Variants in COG5 observed in about 807,000 individuals in gnomAD.
COG5 encodes component of oligomeric golgi complex 5, also known as conserved oligomeric Golgi complex subunit 5.
In COG5, 86 loss-of-function variants were observed where a neutral mutation model predicts 110.4. The ratio of observed to expected loss-of-function variants is 0.78; its 90% CI spans 0.65 to 0.93. COG5 has a LOEUF of 0.93. COG5 is among the 40% of genes least tolerant of loss of function. The probability of loss-of-function intolerance (pLI) is 0.00; values close to 1 mark genes in which losing one functional copy is unlikely to be tolerated. For missense variants in COG5, 1,077 were observed against 987.0 expected (o/e 1.09, Z -1.22); for synonymous variants, 360 against 334.6 (o/e 1.08, Z -0.83).
At chr7:107,461,663 G>A (rs187511610) in intron 6 of COG5, among the ~76,000 whole-genome samples, 240 of 152,182 alleles carry the variant, frequency 1.6e-3, no homozygotes, top group Non-Finnish European at 2.6e-3. Context: ...GAAGGAAATC[G>A]TAAGGAATCA....
At chr7:107,252,666 A>C in intron 16 of COG5, among the ~76,000 whole-genome samples, 1 of 152,186 alleles carries the variant, frequency 6.6e-6, no homozygotes, top group Non-Finnish European at 1.5e-5. Flanking sequence ...AATTAAGTAA[A>C]TCAGTATCCA....
intron 2 of COG5, among the ~76,000 whole-genome samples, chr7:107,556,165 G>A (rs1034042917): frequency 6.6e-6 from 1 of 152,110 alleles, no homozygotes; most frequent in Non-Finnish European, 1.5e-5. Flanking sequence ...TTTTAGCACT[G>A]GCATGGAAGG....
intron 6 of COG5, among the ~76,000 whole-genome samples, chr7:107,524,671 C>T (rs916685705): frequency 6.6e-6 from 1 of 152,276 alleles, no homozygotes; most frequent in Admixed American, 6.5e-5. Flanking sequence ...GACTGAACTA[C>T]AGTGGTGAAT....
At chr7:107,270,882 C>CT (rs56971368) in intron 14 of COG5, among the ~76,000 whole-genome samples, 920 of 68,732 alleles carry the variant, frequency 0.013, 224 homozygotes, top group African/African-American at 0.044. Context: ...CTAACTAGAA[C>CT]TTTTTTTTTT....
At chr7:107,462,966 A>G (rs962074984) in intron 6 of COG5, among the ~76,000 whole-genome samples, 4 of 152,216 alleles carry the variant, frequency 2.6e-5, no homozygotes, top group Non-Finnish European at 4.4e-5. Context: ...TAAAAATATA[A>G]AAAGGTTAAT....
intron 6 of COG5, among the ~76,000 whole-genome samples, chr7:107,438,652 A>T (rs1048504171): frequency 6.6e-6 from 1 of 152,194 alleles, no homozygotes; most frequent in African/African-American, 2.4e-5. Flanking sequence ...CATGAGAAAG[A>T]TGCATCTGTT....
Position 107,372,621 on chromosome 7 carries a change from G to A in COG5, c.809C>T (p.Thr270Ile), listed in dbSNP as rs968663449. The A allele has an allele frequency of 5.0e-6, 8 of 1,613,574 alleles. No individual in the cohort carries two copies. The highest frequency in any genetic ancestry group is 1.1e-5 in the South Asian group (1 of 91,056). Reference sequence around the variant, plus strand: ...TCTCACAGCTGACTGGGAAGGCTGAGTCAAAACTTTTATGTCTAATGCACT... The same window carrying A: ...TCTCACAGCTGACTGGGAAGGCTGAATCAAAACTTTTATGTCTAATGCACT... ...INSALDIKVL[T>I]QPSQSAVRGG... Residue 270 changes from threonine (T) to isoleucine (I), a missense_variant, in exon 8 of 22, where the codon ACT (threonine) becomes ATT (isoleucine). Transcript: ENST00000297135.
At chr7:107,227,558 T>C (rs9641378) in intron 19 of COG5, among the ~76,000 whole-genome samples, 26,323 of 151,702 alleles carry the variant, frequency 0.17, 2,513 homozygotes, top group Non-Finnish European at 0.21. Flanking sequence ...GCAGAAAATT[T>C]CCATCTTAAA....
chr7:107,269,632 T>G (rs1485863207), intron 14 of COG5, among the ~76,000 whole-genome samples: 2 of 152,356 alleles, frequency 1.3e-5, no homozygotes, highest in East Asian at 1.9e-4. Flanking sequence ...CCATCTTACT[T>G]CTATGTTCCA....
At chr7:107,444,926 G>A (rs1447124828) in intron 6 of COG5, among the ~76,000 whole-genome samples, 3 of 152,128 alleles carry the variant, frequency 2.0e-5, no homozygotes, top group Admixed American at 6.5e-5. Context: ...AGTGGCTCAT[G>A]CCTGTAATCC....
intron 11 of COG5, among the ~76,000 whole-genome samples, chr7:107,311,377 T>A (rs1808245498): frequency 5.6e-5 from 2 of 35,586 alleles, no homozygotes; most frequent in African/African-American, 8.5e-4. Flanking sequence ...TACATTTTTT[T>A]TTTTTTTTTT....
intron 1 of COG5, chr7:107,563,554 G>C (rs1031310015): frequency 1.2e-5 from 6 of 501,312 alleles, no homozygotes; most frequent in South Asian, 6.6e-5. Context: ...TGGGGGGGGG[G>C]GGGGTCGAGT....
chr7:107,520,285 G>T (rs1029624072), intron 6 of COG5, among the ~76,000 whole-genome samples: 1 of 152,172 alleles, frequency 6.6e-6, no homozygotes, highest in African/African-American at 2.4e-5. Context: ...AGCATTGGAA[G>T]TTCTGGCCAG....
intron 6 of COG5, among the ~76,000 whole-genome samples, chr7:107,484,995 C>T (rs1797573399): frequency 6.6e-6 from 1 of 152,128 alleles, no homozygotes; most frequent in South Asian, 2.1e-4. Flanking sequence ...AGTACAGTTA[C>T]CTTCTCCTTC....
In COG5 at chr7:107,470,922, T is replaced by A. The variant is rs941192700; in HGVS notation, c.538+56315A>T. ...ATCAATGGAAATTTATAGTATCTTATGAAATCTGTTTTAATGAGTTAAAAT... is the reference window on the plus strand; with the variant it reads ...ATCAATGGAAATTTATAGTATCTTAAGAAATCTGTTTTAATGAGTTAAAAT... On this transcript the variant is annotated intron_variant, in intron 6 of 21. Transcript: ENST00000297135. Among the ~76,000 whole-genome samples the A allele has an allele frequency of 3.3e-5, 5 of 151,904 alleles. No homozygotes were observed. In the East Asian group the frequency reaches 9.6e-4, roughly 29 times the overall value.
chr7:107,535,056 A>G (rs1801481793), intron 5 of COG5, among the ~76,000 whole-genome samples: 1 of 151,594 alleles, frequency 6.6e-6, no homozygotes, highest in Non-Finnish European at 1.5e-5. Context: ...GAACAACCTG[A>G]TCCTGAATGA....
rs1803072340 is a variant in COG5, at chr7:107,258,594, A to G, written c.1576-211T>C. ...GTAAAACCAGCAATCTGTGTAGAGA[A>G]AACACCATGGATGTGGAAGCACAAT... On this transcript the variant is annotated intron_variant, in intron 14 of 21. Coordinates refer to ENST00000297135, the MANE Select transcript of COG5 (RefSeq NM_006348.5). The G allele has an allele frequency of 8.5e-6, 5 of 591,678 alleles. No homozygotes were observed. The Admixed American group carries it at 8.6e-5, about 10-fold the overall frequency. The allele number at this position is 591,678 out of a possible 1,614,324, so 36.7% of individuals were successfully genotyped here. A position where few individuals can be genotyped will look rare whatever the true frequency, so the allele number is the denominator to read the frequency against.
At chr7:107,486,319 T>A (rs1440605384) in intron 6 of COG5, among the ~76,000 whole-genome samples, 1 of 152,108 alleles carries the variant, frequency 6.6e-6, no homozygotes, top group East Asian at 1.9e-4. Context: ...ACAATTTCCA[T>A]TTCCATTTAC....
At chr7:107,210,372 T>A in intron 21 of COG5, 154 bp downstream of exon 21, 1 of 1,448,030 alleles carries the variant, frequency 6.9e-7, no homozygotes, top group Non-Finnish European at 9.1e-7. Context: ...TGCTGGTTGC[T>A]CCAGCACCCG....
Sources: allele counts gnomAD v4.1 joint callset (sites outside exome capture counted in the v4.1 genomes callset), GRCh38; gene constraint gnomAD v4.1.1; transcripts MANE v1.5; gene names NCBI Gene and HGNC (gene_info 2026-07-23, HGNC 2026-07-21).